The following SEC61G variants were observed in gnomAD, a reference collection of about 807,000 sequenced individuals.
SEC61G encodes SEC61 translocon subunit gamma.
A neutral mutation model predicts 7.5 loss-of-function variants in SEC61G; 4 were observed. That is an observed-to-expected ratio of 0.54 (90% confidence interval 0.26 to 1.22). SEC61G has a LOEUF of 1.22. Ranked by LOEUF, SEC61G falls within the 50% of genes most tolerant of loss-of-function variation. The probability of loss-of-function intolerance (pLI) is 0.12; values close to 1 mark genes in which losing one functional copy is unlikely to be tolerated. For missense variants in SEC61G, 53 were observed against 84.6 expected, an observed-to-expected ratio of 0.63 and a Z score of 1.46; for synonymous variants, 24 against 24.4, an observed-to-expected ratio of 0.98 and a Z score of 0.05.
rs1178058643 is a variant in SEC61G, at chr7:54,752,401, C to T, written c.*10G>A. 3 of 1,535,602 alleles carry T rather than the reference C, an allele frequency of 2.0e-6. No homozygotes were observed. Among genetic ancestry groups the T allele is most frequent in the Non-Finnish European group, 2.7e-6 (3 of 1,128,386 alleles). ...ATCTCTAAGATGAAAAACTCTCTTC[C>T]AAAATGTATTCAGCCACCACTGTAA... On this transcript the variant is annotated 3_prime_UTR_variant, in exon 4 of 4. Coordinates refer to ENST00000352861, the MANE Select transcript of SEC61G (RefSeq NM_014302.4).
At chr7:54,755,182 TG>T (rs1791482434) in intron 3 of SEC61G, 1 of 152,224 alleles carries the variant, frequency 6.6e-6, no homozygotes, top group Non-Finnish European at 1.5e-5. Context: ...TTAAAAGTTA[TG>T]ATATTCTCCT....
At chr7:54,754,995 AAAGT>A (rs966015923) in intron 3 of SEC61G, 5 of 152,326 alleles carry the variant, frequency 3.3e-5, no homozygotes, top group South Asian at 2.1e-4. Flanking sequence ...ACAAAATCAC[AAAGT>A]AAGTACTGAA....
chr7:54,753,234 A>G (rs1202339588), intron 3 of SEC61G, among the ~76,000 whole-genome samples: 1 of 152,184 alleles, frequency 6.6e-6, no homozygotes, highest in African/African-American at 2.4e-5. Context: ...CGGAGGCTGC[A>G]ATAAGCTAAG....
intron 2 of SEC61G, among the ~76,000 whole-genome samples, 166 bp from the exon 3 acceptor site, chr7:54,756,047 T>C (rs1416612089): frequency 1.3e-5 from 2 of 151,790 alleles, no homozygotes; most frequent in African/African-American, 4.9e-5. Context: ...AACAAGTTGT[T>C]TGACAGGTTT....
chr7:54,757,303 T>C (rs1791538731), intron 2 of SEC61G, among the ~76,000 whole-genome samples, 192 bp downstream of exon 2: 1 of 152,156 alleles, frequency 6.6e-6, no homozygotes, highest in Non-Finnish European at 1.5e-5. Context: ...CTTACACCAT[T>C]TGAAAATACA....
chr7:54,758,468 T>C (rs1458300130), intron 1 of SEC61G, among the ~76,000 whole-genome samples: 1 of 152,148 alleles, frequency 6.6e-6, no homozygotes, highest in Non-Finnish European at 1.5e-5. Context: ...CCTTCCTTAG[T>C]GTAGGGTGTG....
At chr7:54,755,240 T>C (rs1043460735) in intron 3 of SEC61G, 1 of 152,242 alleles carries the variant, frequency 6.6e-6, no homozygotes, top group African/African-American at 2.4e-5. Flanking sequence ...CTTGTATTCT[T>C]ACCCAAATTG....
chr7:54,758,389 T>C (rs1562770186), intron 1 of SEC61G, among the ~76,000 whole-genome samples: 1 of 152,146 alleles, frequency 6.6e-6, no homozygotes, highest in Non-Finnish European at 1.5e-5. Context: ...TTTCCAGTAC[T>C]CAGAACAGTG....
rs552562823 is a variant in SEC61G, at chr7:54,757,988, G to A, written c.-6-394C>T. Among the ~76,000 whole-genome samples, 19 of 152,278 alleles carry A rather than the reference G, an allele frequency of 1.2e-4. No individual in the cohort carries two copies. In the South Asian group the frequency reaches 3.9e-3, roughly 32 times the overall value. On this transcript the variant is annotated intron_variant, in intron 1 of 3. Coordinates refer to ENST00000352861, the MANE Select transcript of SEC61G (RefSeq NM_014302.4). ...CCTCACCGCTCCTAAGGAACCATCA[G>A]TGTTGAGATCCAACAATTACTTTCC... is the stretch of plus-strand genomic sequence containing the variant.
intron 3 of SEC61G, chr7:54,754,677 T>A (rs77259663): frequency 5.9e-5 from 9 of 151,882 alleles, no homozygotes; most frequent in African/African-American, 2.2e-4. Flanking sequence ...TGGGATAAAA[T>A]ACCTAGTATT....
intron 3 of SEC61G, chr7:54,755,212 T>C (rs187822636): frequency 1.3e-5 from 2 of 152,318 alleles, no homozygotes; most frequent in Admixed American, 1.3e-4. Flanking sequence ...CAATGGCTCA[T>C]TATAGTAACA....
rs1791505371 is a variant in SEC61G at position 54,755,950 on chromosome 7, A to C, written c.95-69T>G. 2.7e-5 allele frequency: 22 copies of C among 806,818 alleles called. No homozygotes were observed. The South Asian group carries it at 4.1e-4, about 15-fold the overall frequency. 50.0% of individuals were successfully genotyped at this position (806,818 alleles called of 1,614,324 possible). A position where few individuals can be genotyped will look rare whatever the true frequency, so the allele number is the denominator to read the frequency against. ...CTGAAAGTATGGGAAAAAAACTATC[A>C]GCAACATAAATGAACTTAACTAGTA... On this transcript the variant is annotated intron_variant, in intron 2 of 3. Transcript: ENST00000352861.
At position 54,752,429 on chromosome 7, in the gene SEC61G, G is replaced by T. The variant is rs1791432609; in HGVS notation, c.198-9C>A. On this transcript the variant is annotated splice_polypyrimidine_tract_variant and intron_variant, in intron 3 of 3. Coordinates refer to ENST00000352861, the MANE Select transcript of SEC61G (RefSeq NM_014302.4). Reference sequence around the variant, plus strand: ...AATGTATTCAGCCACCACTGTAAAAGAAAGAAAAATTATTACTTCTGAGCA... The same window carrying T: ...AATGTATTCAGCCACCACTGTAAAATAAAGAAAAATTATTACTTCTGAGCA... 3 of 1,495,934 alleles carry T rather than the reference G, an allele frequency of 2.0e-6. No homozygotes were observed. Among genetic ancestry groups the T allele is most frequent in the Non-Finnish European group, 2.7e-6 (3 of 1,096,080 alleles). 92.7% of individuals were successfully genotyped at this position (1,495,934 alleles called of 1,614,324 possible). A position where few individuals can be genotyped will look rare whatever the true frequency, so the allele number is the denominator to read the frequency against.
chr7:54,755,938 A>G (rs927704134), intron 2 of SEC61G, 57 bp from the exon 3 acceptor site: 1 of 944,770 alleles, frequency 1.1e-6, no homozygotes, highest in Non-Finnish European at 1.6e-6. Context: ...AAAGTATGGG[A>G]AAAAAACTAT....
chr7:54,757,371 C>T (rs746876560), intron 2 of SEC61G, 124 bp downstream of exon 2: 4 of 736,396 alleles, frequency 5.4e-6, no homozygotes, highest in African/African-American at 1.8e-5. Context: ...AAAGCTGTCG[C>T]GCAGGATCAA....
In SEC61G at chr7:54,758,863, A is replaced by G. The variant is rs549901021; in HGVS notation, c.-7+295T>C. On this transcript the variant is annotated intron_variant, in intron 1 of 3. Transcript: ENST00000352861. ...CCCCGAAGGGATCGGGCAGCAGGAC[A>G]TCATCTTTGGCTGCAGCACAGAAGA... Among the ~76,000 whole-genome samples the G allele has an allele frequency of 7.9e-5, 12 of 152,288 alleles. No individual in the cohort carries two copies. In the East Asian group the frequency reaches 1.4e-3, roughly 17 times the overall value.
rs1340481248 is a variant in SEC61G at position 54,755,763 on chromosome 7, C to A, written c.197+16G>T. ...AGTTTCATTCAATCCTAGTCTATTTCATAAAGTTTACTTACACAATGATGT... is the reference window on the plus strand; with the variant it reads ...AGTTTCATTCAATCCTAGTCTATTTAATAAAGTTTACTTACACAATGATGT... On this transcript the variant is annotated intron_variant, in intron 3 of 3. Coordinates refer to ENST00000352861, the MANE Select transcript of SEC61G (RefSeq NM_014302.4). The A allele has an allele frequency of 1.5e-6, 2 of 1,376,980 alleles. No homozygotes were observed. The highest frequency in any genetic ancestry group is 2.0e-6 in the Non-Finnish European group (2 of 990,818). The allele number at this position is 1,376,980 out of a possible 1,614,324, so 85.3% of individuals were successfully genotyped here. A position where few individuals can be genotyped will look rare whatever the true frequency, so the allele number is the denominator to read the frequency against.
Position 54,752,405 on chromosome 7 carries a change from A to G in SEC61G, c.*6T>C. ...CTAAGATGAAAAACTCTCTTCCAAA[A>G]TGTATTCAGCCACCACTGTAAAAGA... On this transcript the variant is annotated 3_prime_UTR_variant, in exon 4 of 4. Transcript: ENST00000352861. 6.5e-7 allele frequency: 1 copy of G among 1,537,308 alleles called. No homozygotes were observed. Among genetic ancestry groups the G allele is most frequent in the Non-Finnish European group, 8.9e-7 (1 of 1,129,078 alleles).
intron 3 of SEC61G, chr7:54,755,509 C>T: frequency 4.2e-6 from 1 of 240,278 alleles, no homozygotes; most frequent in Non-Finnish European, 7.9e-6. Context: ...GGTTTCAATG[C>T]TGGCTTTGTG....
Sources: allele counts gnomAD v4.1 joint callset (sites outside exome capture counted in the v4.1 genomes callset), GRCh38; gene constraint gnomAD v4.1.1; transcripts MANE v1.5; gene names NCBI Gene and HGNC (gene_info 2026-07-23, HGNC 2026-07-21).